The following FGF14 variants were observed in gnomAD, a reference collection of about 807,000 sequenced individuals.
The protein encoded by FGF14 is fibroblast growth factor 14, also known as fibroblast growth factor homologous factor 4.
FGF14 carries 5 observed loss-of-function variants against 25.5 expected under a neutral mutation model. The observed-to-expected ratio is 0.20, with a 90% CI of 0.10 to 0.41. FGF14 has a LOEUF of 0.41. FGF14 is among the 10% of genes least tolerant of loss of function. The pLI is 1.00. For synonymous variants in FGF14, 138 were observed against 118.3 expected (o/e 1.17, Z -1.08); for missense variants, 222 against 320.1 (o/e 0.69, Z 2.34).
intron 1 of FGF14, among the ~76,000 whole-genome samples, chr13:101,900,731 C>G (rs2138981010): frequency 6.6e-6 from 1 of 152,228 alleles, no homozygotes; most frequent in East Asian, 1.9e-4. Context: ...GTGCTCTATT[C>G]TTGATCCGCA....
chr13:102,023,043 G>GAC (rs59221538), intron 1 of FGF14, among the ~76,000 whole-genome samples: 10,964 of 146,174 alleles, frequency 0.075, 413 homozygotes, highest in Middle Eastern at 0.1. Flanking sequence ...AATATTTTCG[G>GAC]ACACACACAC....
At chr13:102,206,419 G>A (rs9518651) in intron 1 of FGF14, among the ~76,000 whole-genome samples, 9,328 of 152,140 alleles carry the variant, frequency 0.061, 483 homozygotes, top group East Asian at 0.16. Flanking sequence ...AGTGGCTCAC[G>A]CCTGTAATCC....
At chr13:102,143,760 C>A (rs1798707429) in intron 1 of FGF14, among the ~76,000 whole-genome samples, 2 of 152,092 alleles carry the variant, frequency 1.3e-5, no homozygotes, top group Non-Finnish European at 2.9e-5. Flanking sequence ...ATCTAAAATA[C>A]ATATATAAAG....
chr13:102,110,144 A>G (rs1201298835), intron 1 of FGF14, among the ~76,000 whole-genome samples: 1 of 152,210 alleles, frequency 6.6e-6, no homozygotes, highest in Non-Finnish European at 1.5e-5. Context: ...TCCTATTAAT[A>G]TTAAAATTTA....
At chr13:101,776,866 G>A (rs1051267116) in intron 3 of FGF14, among the ~76,000 whole-genome samples, 4 of 152,188 alleles carry the variant, frequency 2.6e-5, no homozygotes, top group African/African-American at 9.6e-5. Flanking sequence ...GGCAAATTCA[G>A]TTTTTGGTGA....
At chr13:101,830,446 T>C (rs117487260) in intron 3 of FGF14, among the ~76,000 whole-genome samples, 135 of 152,162 alleles carry the variant, frequency 8.9e-4, no homozygotes, top group Non-Finnish European at 1.5e-3. Context: ...GTTTCCAGTA[T>C]GAGACAAGAA....
rs1460578529 is a variant in FGF14 at position 101,999,603 on chromosome 13, C to T, written c.209-124307G>A. 2.0e-5 allele frequency among the ~76,000 whole-genome samples: 3 copies of T among 152,288 alleles called. No homozygotes were observed. In the East Asian group the frequency reaches 5.8e-4, roughly 29 times the overall value. The stretch of plus-strand genomic sequence containing the variant: ...TTCAGGAGCTTTGACCTGAATTCCA[C>T]ATTTCTCAGCTTCCACTAGAATTCC... On this transcript the variant is annotated intron_variant, in intron 1 of 4. Transcript: ENST00000376131.
chr13:101,899,340 G>C (rs2031207163), intron 1 of FGF14, among the ~76,000 whole-genome samples: 1 of 151,610 alleles, frequency 6.6e-6, no homozygotes, highest in African/African-American at 2.4e-5. Context: ...AATACATATA[G>C]GAGTTAACAG....
At chr13:101,756,589 C>T (rs1787473765) in intron 3 of FGF14, among the ~76,000 whole-genome samples, 1 of 152,042 alleles carries the variant, frequency 6.6e-6, no homozygotes, top group Non-Finnish European at 1.5e-5. Context: ...AAAAATTAGC[C>T]GGGTGCGGTG....
chr13:102,073,432 T>G (rs988735531), intron 1 of FGF14, among the ~76,000 whole-genome samples: 9 of 152,188 alleles, frequency 5.9e-5, no homozygotes, highest in African/African-American at 2.2e-4. Flanking sequence ...CCTTTGATGA[T>G]GGATTATAAT....
At chr13:101,834,413 C>T (rs1281529814) in intron 3 of FGF14, among the ~76,000 whole-genome samples, 3 of 152,050 alleles carry the variant, frequency 2.0e-5, no homozygotes, top group Non-Finnish European at 4.4e-5. Context: ...TCCATAGCTA[C>T]AGAGAGTCAC....
At chr13:102,108,442 T>C (rs1275164926) in intron 1 of FGF14, among the ~76,000 whole-genome samples, 1 of 152,170 alleles carries the variant, frequency 6.6e-6, no homozygotes, top group Non-Finnish European at 1.5e-5. Context: ...GTTAGAAATG[T>C]CTCCTACGGG....
chr13:102,011,930 A>G (rs970695660), intron 1 of FGF14, among the ~76,000 whole-genome samples: 4 of 152,152 alleles, frequency 2.6e-5, no homozygotes, highest in African/African-American at 9.7e-5. Context: ...TTCAGCGATC[A>G]CTCATGGCTT....
Position 101,925,355 on chromosome 13 carries a change from G to A in FGF14, c.209-50059C>T, listed in dbSNP as rs745651257. Among the ~76,000 whole-genome samples the A allele has an allele frequency of 8.5e-5, 13 of 152,254 alleles. No homozygotes were observed. The East Asian group carries it at 1.5e-3, about 18-fold the overall frequency. The stretch of plus-strand genomic sequence containing the variant: ...CACTTTAATTATATGACCTGAAAGC[G>A]TACCAGGGACTACATATTCTACATT... On this transcript the variant is annotated intron_variant, in intron 1 of 4. Transcript: ENST00000376131.
At chr13:102,279,190 G>A (rs2053702082) in intron 1 of FGF14, among the ~76,000 whole-genome samples, 1 of 152,080 alleles carries the variant, frequency 6.6e-6, no homozygotes, top group African/African-American at 2.4e-5. Context: ...ATGTATGTTT[G>A]TATAGATAGA....
At chr13:102,215,452 T>C (rs978509249) in intron 1 of FGF14, among the ~76,000 whole-genome samples, 6 of 152,238 alleles carry the variant, frequency 3.9e-5, no homozygotes, top group Non-Finnish European at 8.8e-5. Flanking sequence ...AAATCTGACA[T>C]ATGTTTCAGG....
intron 3 of FGF14, among the ~76,000 whole-genome samples, chr13:101,779,594 C>A (rs1291075415): frequency 6.6e-6 from 1 of 152,052 alleles, no homozygotes; most frequent in Non-Finnish European, 1.5e-5. Flanking sequence ...TCAAATATTT[C>A]TCCAAATGTA....
intron 3 of FGF14, among the ~76,000 whole-genome samples, chr13:101,794,278 C>T (rs2040400237): frequency 6.6e-6 from 1 of 152,042 alleles, no homozygotes; most frequent in Non-Finnish European, 1.5e-5. Context: ...ATTCCTAGCA[C>T]TTTGCAGTCA....
chr13:101,995,634 G>A (rs761625634), intron 1 of FGF14, among the ~76,000 whole-genome samples: 2 of 152,030 alleles, frequency 1.3e-5, no homozygotes, highest in Non-Finnish European at 2.9e-5. Flanking sequence ...AAGCCAACAT[G>A]TAACTGTAAT....
Sources: gnomAD v4.1 joint callset for allele counts (sites outside exome capture counted in the v4.1 genomes callset) on GRCh38, gnomAD v4.1.1 for gene constraint, MANE v1.5 for transcripts, NCBI Gene and HGNC (gene_info 2026-07-23, HGNC 2026-07-21) for gene names.